CLIP2: variants seen among roughly 807,000 people sequenced by gnomAD.
CLIP2 encodes CAP-Gly domain-containing linker protein 2.
Under a neutral mutation model 111.7 loss-of-function variants are expected in CLIP2, and 41 were observed. The observed-to-expected ratio is 0.37, with a 90% confidence interval of 0.29 to 0.48. CLIP2 has a LOEUF of 0.48. CLIP2 is among the 20% of genes least tolerant of loss of function. The pLI is 0.99. For missense variants in CLIP2, 1,160 were observed against 1,422.1 expected (o/e 0.82, Z 2.96); for synonymous variants, 660 against 644.2 (o/e 1.02, Z -0.37).
intron 1 of CLIP2, among the ~76,000 whole-genome samples, chr7:74,306,544 C>T (rs1286081616): frequency 2.0e-5 from 3 of 152,148 alleles, no homozygotes; most frequent in Non-Finnish European, 4.4e-5. Flanking sequence ...GGCACCCGTC[C>T]CCCTCCGCCG....
intron 2 of CLIP2, among the ~76,000 whole-genome samples, chr7:74,327,207 A>G (rs891003547): frequency 8.6e-5 from 13 of 151,916 alleles, no homozygotes; most frequent in Non-Finnish European, 1.6e-4. Flanking sequence ...AGTTCAAGCA[A>G]TTCTTCTGCC....
intron 2 of CLIP2, among the ~76,000 whole-genome samples, chr7:74,322,270 C>A (rs1201536810): frequency 1.3e-5 from 2 of 151,020 alleles, no homozygotes; most frequent in African/African-American, 2.4e-5. Flanking sequence ...GGAGTACAGG[C>A]GTGAGCCACT....
chr7:74,354,354 C>T (rs1487864191), intron 4 of CLIP2, among the ~76,000 whole-genome samples: 1 of 152,154 alleles, frequency 6.6e-6, no homozygotes, highest in Non-Finnish European at 1.5e-5. Flanking sequence ...TGGCTCATGC[C>T]TGTAATCCCA....
chr7:74,403,905 C>A lies in CLIP2; in HGVS notation c.*57C>A. 1 of 1,586,858 alleles carries A rather than the reference C, an allele frequency of 6.3e-7. No individual in the cohort carries two copies. Among genetic ancestry groups the A allele is most frequent in the South Asian group, 1.1e-5 (1 of 90,610 alleles). ...CACACCAGAGCCCCACGCGGCTGCC[C>A]GGCAGTACCTCCTCCAGGCAGGAGC... On this transcript the variant is annotated 3_prime_UTR_variant, in exon 17 of 17. Transcript: ENST00000223398.
chr7:74,308,774 C>T (rs1176949431), intron 1 of CLIP2, among the ~76,000 whole-genome samples: 1 of 152,008 alleles, frequency 6.6e-6, no homozygotes, highest in East Asian at 1.9e-4. Flanking sequence ...TTTTCATGTG[C>T]TTATGGGCTG....
At chr7:74,325,444 G>A (rs1789082520) in intron 2 of CLIP2, among the ~76,000 whole-genome samples, 1 of 152,094 alleles carries the variant, frequency 6.6e-6, no homozygotes, top group African/African-American at 2.4e-5. Context: ...CCTGGCTCCA[G>A]TGGTGACATT....
chr7:74,398,691 C>T (rs1554317080), intron 14 of CLIP2, among the ~76,000 whole-genome samples: 1 of 152,250 alleles, frequency 6.6e-6, no homozygotes, highest in Non-Finnish European at 1.5e-5. Context: ...GAGCATCACT[C>T]TGGCCACACA....
intron 8 of CLIP2, chr7:74,364,992 GTTGTGTGTGT>G (rs1442407776): frequency 4.9e-5 from 15 of 307,690 alleles, no homozygotes; most frequent in East Asian, 4.8e-4. Context: ...CCTGTTTTTT[GTTGTGTGTGT>G]GTGTGTGTGT....
chr7:74,320,684 G>A (rs1423761024), intron 2 of CLIP2, among the ~76,000 whole-genome samples: 1 of 152,168 alleles, frequency 6.6e-6, no homozygotes, highest in Admixed American at 6.6e-5. Flanking sequence ...CCGGGGGAGG[G>A]AAGGGCTCAT....
chr7:74,336,885 G>GTTTTTTTTTT (rs368322789), intron 2 of CLIP2, among the ~76,000 whole-genome samples: 1 of 134,388 alleles, frequency 7.4e-6, no homozygotes, highest in Non-Finnish European at 1.5e-5. Flanking sequence ...GTTTTTTTTT[G>GTTTTTTTTTT]TTTTGTTTTT....
chr7:74,358,840 C>T (rs879996791), intron 6 of CLIP2, among the ~76,000 whole-genome samples: 21 of 151,752 alleles, frequency 1.4e-4, no homozygotes, highest in Non-Finnish European at 2.6e-4. Flanking sequence ...CAAAGCACCG[C>T]GATTATAGGC....
rs1187856261 is a variant in CLIP2 at position 74,389,084 on chromosome 7, C to T, written c.2564-19C>T. The T allele has an allele frequency of 1.3e-6, 2 of 1,592,566 alleles. No individual in the cohort carries two copies. Among genetic ancestry groups the T allele is most frequent in the African/African-American group, 1.3e-5 (1 of 74,234 alleles). ...GTGTTCCCAATCCTCTTCCTCCCTT[C>T]CCTGCCGGCTGACCCCAGCGCTGGA... On this transcript the variant is annotated intron_variant, in intron 12 of 16. Transcript: ENST00000223398.
intron 12 of CLIP2, among the ~76,000 whole-genome samples, chr7:74,387,757 G>A (rs1190281749): frequency 6.6e-6 from 1 of 152,178 alleles, no homozygotes; most frequent in Non-Finnish European, 1.5e-5. Flanking sequence ...GTAAACACAC[G>A]TGTGATATCG....
chr7:74,334,398 C>T (rs575316884), intron 2 of CLIP2, among the ~76,000 whole-genome samples: 5 of 152,058 alleles, frequency 3.3e-5, no homozygotes, highest in Admixed American at 6.6e-5. Context: ...GGGAGGGAGT[C>T]GGGGAGAGAT....
chr7:74,384,441 ATT>A (rs533449196), intron 11 of CLIP2, among the ~76,000 whole-genome samples: 7 of 98,464 alleles, frequency 7.1e-5, no homozygotes, highest in African/African-American at 8.7e-5. Flanking sequence ...AGGTCATATG[ATT>A]TTTTTTTTTT....
chr7:74,325,558 A>T (rs1789084858), intron 2 of CLIP2, among the ~76,000 whole-genome samples: 1 of 152,308 alleles, frequency 6.6e-6, no homozygotes, highest in Admixed American at 6.5e-5. Context: ...AGGGCCTGGC[A>T]TGGTGGCTCA....
intron 3 of CLIP2, among the ~76,000 whole-genome samples, chr7:74,346,937 G>A (rs1474417113): frequency 3.9e-5 from 6 of 152,064 alleles, no homozygotes; most frequent in Non-Finnish European, 8.8e-5. Flanking sequence ...TACTCAGGAG[G>A]CTGAGGAGGG....
chr7:74,319,377 T>G (rs1788881983), intron 2 of CLIP2, among the ~76,000 whole-genome samples: 1 of 151,898 alleles, frequency 6.6e-6, no homozygotes, highest in Admixed American at 6.6e-5. Context: ...CGGGATGTGG[T>G]GGCACCTGTA....
At chr7:74,401,610 A>G in intron 16 of CLIP2, 43 bp downstream of exon 16, 2 of 1,581,180 alleles carry the variant, frequency 1.3e-6, no homozygotes, top group Non-Finnish European at 1.7e-6. Context: ...CCGTGCAGGC[A>G]GACCTCTCTG....
Sources: gnomAD v4.1 joint callset for allele counts (sites outside exome capture counted in the v4.1 genomes callset) on GRCh38, gnomAD v4.1.1 for gene constraint, MANE v1.5 for transcripts, NCBI Gene and HGNC (gene_info 2026-07-23, HGNC 2026-07-21) for gene names.